Variants in ZSWIM5 observed in about 807,000 individuals in gnomAD.
ZSWIM5 encodes the protein zinc finger SWIM-type containing 5, also known as zinc finger SWIM domain-containing protein 5.
A neutral mutation model predicts 119.6 loss-of-function variants in ZSWIM5; 55 were observed. That is an observed-to-expected ratio of 0.46 (90% CI 0.37 to 0.58). The LOEUF (loss-of-function observed/expected upper bound fraction) is 0.58, where lower values mean the gene tolerates loss of function less well. Among genes scored for constraint, ZSWIM5 ranks in the 20% least tolerant of loss-of-function variants. The pLI, the probability that ZSWIM5 is intolerant of heterozygous loss-of-function variation, is 0.00. For missense variants in ZSWIM5, 1,193 were observed against 1,512.8 expected (o/e 0.79, Z 3.51); for synonymous variants, 537 against 606.9 (o/e 0.88, Z 1.69).
intron 1 of ZSWIM5, among the ~76,000 whole-genome samples, chr1:45,121,084 G>A (rs1645588954): frequency 2.0e-5 from 3 of 152,054 alleles, no homozygotes; most frequent in African/African-American, 7.2e-5. Context: ...CGAGTAGCTG[G>A]GACTACAGGC....
intron 1 of ZSWIM5, among the ~76,000 whole-genome samples, chr1:45,162,709 G>T (rs1645871132): frequency 6.6e-6 from 1 of 151,174 alleles, no homozygotes; most frequent in African/African-American, 2.4e-5. Flanking sequence ...CGCCCACGGA[G>T]CCTTGCTCAC....
chr1:45,073,672 C>G (rs150395713), intron 2 of ZSWIM5, among the ~76,000 whole-genome samples: 2,505 of 151,916 alleles, frequency 0.016, 108 homozygotes, highest in African/African-American at 0.058. Flanking sequence ...ATCATATCAT[C>G]TGCAAACGAG....
chr1:45,019,371 AC>A lies in ZSWIM5; in HGVS notation c.2696-56del. The A allele has an allele frequency of 6.4e-7, 1 of 1,552,534 alleles. No homozygotes were observed. Among genetic ancestry groups the A allele is most frequent in the South Asian group, 1.2e-5 (1 of 83,020 alleles). ...GCCATCTGGGTCCTGATTCAGGTCT[AC>A]CCAGATTACCATTTGGGGTTTGAAC... On this transcript the variant is annotated intron_variant, in intron 13 of 13. Transcript: ENST00000359600. The surrounding 1 kb of genome is among the most constrained non-coding windows in gnomAD (Gnocchi z 5.0).
intron 1 of ZSWIM5, among the ~76,000 whole-genome samples, chr1:45,147,680 T>G (rs188446103): frequency 2.6e-5 from 4 of 151,938 alleles, no homozygotes; most frequent in Non-Finnish European, 5.9e-5. Flanking sequence ...ACATTTCTTA[T>G]TTTTCCCCTT....
At chr1:45,158,860 GTCTT>G (rs1165189201) in intron 1 of ZSWIM5, among the ~76,000 whole-genome samples, 1 of 152,138 alleles carries the variant, frequency 6.6e-6, no homozygotes, top group Admixed American at 6.5e-5. Context: ...AGATTAATAT[GTCTT>G]TCTTTTATTC....
At chr1:45,021,097 TTG>T (rs1644885128) in intron 11 of ZSWIM5, among the ~76,000 whole-genome samples, 1 of 151,952 alleles carries the variant, frequency 6.6e-6, no homozygotes, top group African/African-American at 2.4e-5. Context: ...GTGCAGTGGC[TTG>T]ATCTCGGCTC....
intron 1 of ZSWIM5, among the ~76,000 whole-genome samples, chr1:45,181,496 T>G (rs561114944): frequency 6.6e-6 from 1 of 151,542 alleles, no homozygotes; most frequent in Non-Finnish European, 1.5e-5. Context: ...TGGAACCAAG[T>G]TGGAAAACAC....
At chr1:45,108,854 G>A (rs1448973616) in intron 1 of ZSWIM5, among the ~76,000 whole-genome samples, 1 of 152,080 alleles carries the variant, frequency 6.6e-6, no homozygotes, top group East Asian at 1.9e-4. Flanking sequence ...AATTCTCATA[G>A]TAATCAAAAG....
At chr1:45,158,721 A>T (rs1645845843) in intron 1 of ZSWIM5, among the ~76,000 whole-genome samples, 1 of 152,192 alleles carries the variant, frequency 6.6e-6, no homozygotes, top group Admixed American at 6.5e-5. Context: ...CAGTTCTATA[A>T]TGTGGCAGTT....
intron 1 of ZSWIM5, among the ~76,000 whole-genome samples, chr1:45,202,987 CAT>C (rs961108971): frequency 6.6e-6 from 1 of 151,484 alleles, no homozygotes; most frequent in Admixed American, 6.6e-5. Flanking sequence ...TGAAAACATT[CAT>C]ATGTTTTCAA....
At chr1:45,148,835 CCAAATA>C (rs1645778119) in intron 1 of ZSWIM5, among the ~76,000 whole-genome samples, 1 of 152,210 alleles carries the variant, frequency 6.6e-6, no homozygotes, top group African/African-American at 2.4e-5. Context: ...TTATAATATA[CCAAATA>C]CAGACACTTT....
At chr1:45,164,773 TA>T (rs1318762615) in intron 1 of ZSWIM5, among the ~76,000 whole-genome samples, 1 of 152,124 alleles carries the variant, frequency 6.6e-6, no homozygotes, top group African/African-American at 2.4e-5. Flanking sequence ...CTAACTATCC[TA>T]AATATATATG....
At chr1:45,202,726 CTG>C (rs1212614966) in intron 1 of ZSWIM5, among the ~76,000 whole-genome samples, 3 of 152,138 alleles carry the variant, frequency 2.0e-5, no homozygotes, top group Middle Eastern at 3.4e-3. Context: ...GTGAGAAAAA[CTG>C]TTAATTTTTT....
chr1:45,202,861 T>A (rs1024274510), intron 1 of ZSWIM5, among the ~76,000 whole-genome samples: 2 of 152,048 alleles, frequency 1.3e-5, no homozygotes, highest in African/African-American at 4.8e-5. Context: ...AAACCGTTAG[T>A]AAATTATAGG....
chr1:45,120,566 C>G (rs114509398), intron 1 of ZSWIM5, among the ~76,000 whole-genome samples: 2 of 151,836 alleles, frequency 1.3e-5, no homozygotes, highest in Non-Finnish European at 2.9e-5. Flanking sequence ...TGGGCTCAAG[C>G]AGTCCTCCTG....
chr1:45,176,203 T>G (rs1172504569), intron 1 of ZSWIM5, among the ~76,000 whole-genome samples: 1 of 151,058 alleles, frequency 6.6e-6, no homozygotes, highest in African/African-American at 2.4e-5. Context: ...CACGTGGGTA[T>G]CTCCAATTAC....
chr1:45,163,082 C>T (rs982013366), intron 1 of ZSWIM5, among the ~76,000 whole-genome samples: 5 of 152,218 alleles, frequency 3.3e-5, no homozygotes, highest in African/African-American at 1.2e-4. Flanking sequence ...TAAGGGCCGA[C>T]TGACACCTCA....
chr1:45,195,368 G>A (rs1208747570), intron 1 of ZSWIM5, among the ~76,000 whole-genome samples: 3 of 151,648 alleles, frequency 2.0e-5, no homozygotes, highest in African/African-American at 7.3e-5. Context: ...CCCCCAAGTA[G>A]CTGGGACTCT....
intron 1 of ZSWIM5, among the ~76,000 whole-genome samples, chr1:45,192,605 G>C (rs1646099155): frequency 6.6e-6 from 1 of 152,194 alleles, no homozygotes; most frequent in African/African-American, 2.4e-5. Context: ...TGTGAATAAT[G>C]CTGCTATAAA....
Sources: gnomAD v4.1 joint callset for allele counts (sites outside exome capture counted in the v4.1 genomes callset) on GRCh38, gnomAD v4.1.1 for gene constraint, Gnocchi (gnomAD v3.1) non-coding constraint, MANE v1.5 for transcripts, NCBI Gene and HGNC (gene_info 2026-07-23, HGNC 2026-07-21) for gene names.